The following HS3ST5 variants were observed in gnomAD, a reference collection of about 807,000 sequenced individuals.
The protein encoded by HS3ST5 is heparan sulfate-glucosamine 3-sulfotransferase 5.
Under a neutral mutation model 25.4 loss-of-function variants are expected in HS3ST5, and 10 were observed. The ratio of observed to expected loss-of-function variants is 0.39; its 90% CI spans 0.24 to 0.67. The LOEUF is 0.67. Ranked by LOEUF, HS3ST5 falls within the 30% of genes least tolerant of loss-of-function variation. HS3ST5 has a pLI of 0.44. For synonymous variants in HS3ST5, 170 were observed against 162.4 expected (o/e 1.05, Z -0.36); for missense variants, 324 against 420.7 (o/e 0.77, Z 2.01).
intron 2 of HS3ST5, among the ~76,000 whole-genome samples, chr6:114,217,127 A>C (rs1198710085): frequency 1.3e-5 from 2 of 152,206 alleles, no homozygotes; most frequent in African/African-American, 4.8e-5. Flanking sequence ...AAAGCCAACC[A>C]CCATGTAGTA....
At chr6:114,064,997 G>T (rs944005647) in intron 3 of HS3ST5, among the ~76,000 whole-genome samples, 2 of 152,114 alleles carry the variant, frequency 1.3e-5, no homozygotes, top group African/African-American at 4.8e-5. Context: ...AGGATTAAGA[G>T]CATAAGCAAA....
At chr6:114,337,144 C>A (rs1401385186) in intron 1 of HS3ST5, among the ~76,000 whole-genome samples, 1 of 152,178 alleles carries the variant, frequency 6.6e-6, no homozygotes, top group Non-Finnish European at 1.5e-5. Context: ...CACAAGGTTT[C>A]ATAGATAGTA....
At chr6:114,134,390 A>C (rs961181633) in intron 3 of HS3ST5, among the ~76,000 whole-genome samples, 4 of 152,156 alleles carry the variant, frequency 2.6e-5, no homozygotes, top group Non-Finnish European at 5.9e-5. Flanking sequence ...ACACTTAGCC[A>C]TCTATTTTCC....
intron 3 of HS3ST5, among the ~76,000 whole-genome samples, chr6:114,144,396 C>T (rs945813539): frequency 8.6e-5 from 13 of 150,952 alleles, no homozygotes; most frequent in Admixed American, 6.6e-4. Context: ...AAATCAGAGC[C>T]CGATAAAGAC....
At chr6:114,153,313 T>C (rs1179206143) in intron 3 of HS3ST5, among the ~76,000 whole-genome samples, 1 of 152,202 alleles carries the variant, frequency 6.6e-6, no homozygotes, top group Non-Finnish European at 1.5e-5. Context: ...AATTGAATAA[T>C]GTCCAGTAAT....
Position 114,302,675 on chromosome 6 carries a change from G to A in HS3ST5, c.-339+39520C>T, listed in dbSNP as rs78961688. On this transcript the variant is annotated intron_variant, in intron 1 of 4. Transcript: ENST00000312719. ...GTCAACATTTGCCAAGAATTTGTGA[G>A]CAAAGGACTGTCTTTCTACTCTCCT... 8.6e-3 allele frequency among the ~76,000 whole-genome samples: 1,311 copies of A among 152,226 alleles called. 25 individuals are homozygous for A. Among genetic ancestry groups the A allele is most frequent in the African/African-American group, 0.03 (1,262 of 41,536 alleles).
At chr6:114,124,691 G>GA (rs1776955265) in intron 3 of HS3ST5, among the ~76,000 whole-genome samples, 2 of 148,450 alleles carry the variant, frequency 1.3e-5, no homozygotes, top group African/African-American at 2.5e-5. Flanking sequence ...ATAACCAGAG[G>GA]AAAAAAAATA....
chr6:114,113,102 G>A (rs920419439), intron 3 of HS3ST5, among the ~76,000 whole-genome samples: 4 of 152,014 alleles, frequency 2.6e-5, no homozygotes, highest in Non-Finnish European at 4.4e-5. Flanking sequence ...AATTCCTGTT[G>A]TCTCTACACC....
chr6:114,279,111 A>G (rs1773990298), intron 1 of HS3ST5, among the ~76,000 whole-genome samples: 1 of 152,074 alleles, frequency 6.6e-6, no homozygotes, highest in Non-Finnish European at 1.5e-5. Context: ...CTACTTAAGT[A>G]TGTTAAAACT....
chr6:114,066,666 A>T (rs1773469209), intron 3 of HS3ST5, among the ~76,000 whole-genome samples: 1 of 152,058 alleles, frequency 6.6e-6, no homozygotes, highest in Admixed American at 6.5e-5. Flanking sequence ...AAACAACAAA[A>T]AAATTAGAAT....
chr6:114,105,546 G>C lies in HS3ST5; in HGVS notation c.-32-42669C>G, dbSNP rs1020042004. On this transcript the variant is annotated intron_variant, in intron 3 of 4. Transcript: ENST00000312719. ...TGATACCAAATATTTATTTGATCGG[G>C]AAATGTAACCACAGTAACATTTTCT... 2.0e-5 allele frequency among the ~76,000 whole-genome samples: 3 copies of C among 152,026 alleles called. No individual in the cohort carries two copies. The South Asian group carries it at 6.2e-4, about 32-fold the overall frequency.
intron 1 of HS3ST5, among the ~76,000 whole-genome samples, chr6:114,265,413 G>A (rs922071648): frequency 6.6e-6 from 1 of 152,132 alleles, no homozygotes; most frequent in Non-Finnish European, 1.5e-5. Context: ...CTAGATGGCA[G>A]GGAGAGCATA....
intron 1 of HS3ST5, among the ~76,000 whole-genome samples, chr6:114,246,824 G>T (rs979099103): frequency 2.6e-5 from 4 of 152,134 alleles, no homozygotes; most frequent in African/African-American, 9.7e-5. Context: ...ATAATAAGGA[G>T]AATCTTCAAA....
At chr6:114,175,408 G>C (rs1582682551) in intron 2 of HS3ST5, among the ~76,000 whole-genome samples, 2 of 152,308 alleles carry the variant, frequency 1.3e-5, no homozygotes, top group South Asian at 2.1e-4. Flanking sequence ...GATTATGACA[G>C]ATTCAGGGAA....
intron 2 of HS3ST5, among the ~76,000 whole-genome samples, chr6:114,207,811 C>A (rs1271430938): frequency 6.6e-6 from 1 of 152,164 alleles, no homozygotes; most frequent in East Asian, 1.9e-4. Context: ...TACCTTACTA[C>A]TATGTAATAC....
intron 3 of HS3ST5, among the ~76,000 whole-genome samples, chr6:114,096,442 T>A (rs1472199589): frequency 6.6e-6 from 1 of 152,126 alleles, no homozygotes; most frequent in East Asian, 1.9e-4. Context: ...TTTTTCCCCA[T>A]AAAAATGTTT....
At chr6:114,231,159 T>C (rs1284659023) in intron 1 of HS3ST5, among the ~76,000 whole-genome samples, 1 of 152,122 alleles carries the variant, frequency 6.6e-6, no homozygotes, top group East Asian at 1.9e-4. Context: ...TTTAAAAGTG[T>C]GTGGCATCTT....
chr6:114,169,328 A>C (rs191456918), intron 2 of HS3ST5, among the ~76,000 whole-genome samples: 3 of 152,252 alleles, frequency 2.0e-5, no homozygotes, highest in Non-Finnish European at 4.4e-5. Context: ...CTTTCAAGTA[A>C]AGAAAAAGGT....
At chr6:114,259,142 A>G (rs72954598) in intron 1 of HS3ST5, among the ~76,000 whole-genome samples, 8,729 of 152,272 alleles carry the variant, frequency 0.057, 319 homozygotes, top group Middle Eastern at 0.13. Context: ...ATTCTCCTCA[A>G]TACCCTTTAT....
Sources: gnomAD v4.1 joint callset for allele counts (sites outside exome capture counted in the v4.1 genomes callset) on GRCh38, gnomAD v4.1.1 for gene constraint, MANE v1.5 for transcripts, NCBI Gene and HGNC (gene_info 2026-07-23, HGNC 2026-07-21) for gene names.